Variants in NELL1 observed in about 807,000 individuals in gnomAD.
NELL1 encodes the protein protein kinase C-binding protein NELL1.
In NELL1, 76 loss-of-function variants were observed where a neutral mutation model predicts 107.4. The ratio of observed to expected loss-of-function variants is 0.71; its 90% confidence interval spans 0.59 to 0.86. The LOEUF is 0.86. NELL1 is among the 40% of genes least tolerant of loss of function. The pLI is 0.00. For missense variants in NELL1, 1,024 were observed against 1,005.5 expected (o/e 1.02, Z -0.25); for synonymous variants, 353 against 341.2 (o/e 1.03, Z -0.38).
At chr11:21,032,840 T>C (rs908531155) in intron 12 of NELL1, among the ~76,000 whole-genome samples, 2 of 152,258 alleles carry the variant, frequency 1.3e-5, no homozygotes, top group Non-Finnish European at 2.9e-5. Flanking sequence ...CATGTAGGCT[T>C]TGCTCATCAT....
chr11:20,921,680 C>T (rs1366727334), intron 7 of NELL1, among the ~76,000 whole-genome samples: 2 of 151,972 alleles, frequency 1.3e-5, no homozygotes, highest in East Asian at 3.9e-4. Flanking sequence ...TTTTATTGAG[C>T]TGAACTAAAG....
chr11:21,071,196 A>C (rs1854005600), intron 12 of NELL1, among the ~76,000 whole-genome samples: 1 of 152,162 alleles, frequency 6.6e-6, no homozygotes, highest in Non-Finnish European at 1.5e-5. Flanking sequence ...AAATAGTAAC[A>C]CCTCACTAGT....
At chr11:21,265,035 G>A (rs1280239476) in intron 14 of NELL1, among the ~76,000 whole-genome samples, 3 of 151,906 alleles carry the variant, frequency 2.0e-5, no homozygotes, top group African/African-American at 7.2e-5. Context: ...AGTTGTTCAT[G>A]TGGCTGTAAT....
intron 14 of NELL1, among the ~76,000 whole-genome samples, chr11:21,306,404 ACGACTTGCT>A (rs1849605578): frequency 6.6e-6 from 1 of 152,060 alleles, no homozygotes; most frequent in South Asian, 2.1e-4. Context: ...AAGCTAGTTC[ACGACTTGCT>A]CATGAGTGCA....
intron 14 of NELL1, among the ~76,000 whole-genome samples, chr11:21,309,282 A>ATATATATATATG (rs1565160385): frequency 0.11 from 1,133 of 10,310 alleles, 36 homozygotes; most frequent in Non-Finnish European, 0.16. Context: ...ATATATATGT[A>ATATATATATATG]TATATATATA....
chr11:21,128,032 A>G (rs1368423711), intron 13 of NELL1, among the ~76,000 whole-genome samples: 1 of 152,116 alleles, frequency 6.6e-6, no homozygotes, highest in African/African-American at 2.4e-5. Context: ...GCGTCACAGA[A>G]CAAAAACTCA....
chr11:21,077,608 T>C (rs1854169196), intron 12 of NELL1, among the ~76,000 whole-genome samples: 1 of 152,028 alleles, frequency 6.6e-6, no homozygotes, highest in Non-Finnish European at 1.5e-5. Flanking sequence ...CCTGGCGTGG[T>C]GGCACGTGCC....
chr11:21,296,501 G>T (rs1216296575), intron 14 of NELL1, among the ~76,000 whole-genome samples: 1 of 151,750 alleles, frequency 6.6e-6, no homozygotes, highest in Non-Finnish European at 1.5e-5. Flanking sequence ...TTATACTTCA[G>T]TAAATCTTGA....
At chr11:21,295,713 GACAACTTGCATA>G (rs1405906669) in intron 14 of NELL1, among the ~76,000 whole-genome samples, 1 of 151,990 alleles carries the variant, frequency 6.6e-6, no homozygotes, top group East Asian at 1.9e-4. Context: ...GAGTTTCCCT[GACAACTTGCATA>G]ACATTGGAAC....
chr11:20,745,931 A>AC (rs1855992862), intron 2 of NELL1, among the ~76,000 whole-genome samples: 2 of 152,238 alleles, frequency 1.3e-5, no homozygotes, highest in African/African-American at 4.8e-5. Flanking sequence ...TCTGTGCTGG[A>AC]CCTCCATGTA....
chr11:21,205,777 G>A (rs1857377294), intron 13 of NELL1, among the ~76,000 whole-genome samples: 1 of 152,118 alleles, frequency 6.6e-6, no homozygotes, highest in African/African-American at 2.4e-5. Context: ...TTTAAATATG[G>A]GGAAATGGGG....
intron 2 of NELL1, among the ~76,000 whole-genome samples, chr11:20,762,757 G>A (rs1200610222): frequency 3.3e-5 from 5 of 151,766 alleles, no homozygotes; most frequent in African/African-American, 1.2e-4. Flanking sequence ...TTCTGTGGTT[G>A]ATCAAAATAT....
At chr11:21,136,774 G>C (rs990448890) in intron 13 of NELL1, among the ~76,000 whole-genome samples, 3 of 152,100 alleles carry the variant, frequency 2.0e-5, no homozygotes, top group Non-Finnish European at 4.4e-5. Flanking sequence ...CATTTGGGTT[G>C]GTGTCCACTT....
intron 2 of NELL1, among the ~76,000 whole-genome samples, chr11:20,757,481 T>G (rs181593744): frequency 6.6e-6 from 1 of 152,332 alleles, no homozygotes; most frequent in South Asian, 2.1e-4. Context: ...TTATCTTCCT[T>G]TGGTGCTTAT....
intron 14 of NELL1, among the ~76,000 whole-genome samples, chr11:21,282,741 T>C (rs1198787913): frequency 6.6e-6 from 1 of 152,154 alleles, no homozygotes; most frequent in African/African-American, 2.4e-5. Context: ...GTCTCAGCAC[T>C]AGTCACAATA....
intron 16 of NELL1, among the ~76,000 whole-genome samples, chr11:21,539,244 C>G (rs1249798701): frequency 6.6e-6 from 1 of 152,064 alleles, no homozygotes. Flanking sequence ...CACTTTTGGG[C>G]TCTGGCCCCA....
At chr11:21,507,100 A>G (rs1167964013) in intron 15 of NELL1, among the ~76,000 whole-genome samples, 2 of 152,212 alleles carry the variant, frequency 1.3e-5, no homozygotes, top group East Asian at 3.8e-4. Context: ...CTTGCTCAAG[A>G]TCACACTTTG....
chr11:21,529,003 G>C (rs115167598), intron 15 of NELL1, among the ~76,000 whole-genome samples: 1 of 151,742 alleles, frequency 6.6e-6, no homozygotes, highest in African/African-American at 2.4e-5. Context: ...TATGGAAAAG[G>C]GTCTCTCATA....
chr11:21,047,619 C>G (rs1363425614), intron 12 of NELL1, among the ~76,000 whole-genome samples: 1 of 152,114 alleles, frequency 6.6e-6, no homozygotes, highest in Non-Finnish European at 1.5e-5. Context: ...GTATTTTACA[C>G]CAGAACTGGC....
Sources: gnomAD v4.1 joint callset for allele counts (sites outside exome capture counted in the v4.1 genomes callset) on GRCh38, gnomAD v4.1.1 for gene constraint, MANE v1.5 for transcripts, NCBI Gene and HGNC (gene_info 2026-07-23, HGNC 2026-07-21) for gene names.